ERBB4: variants seen among roughly 807,000 people sequenced by gnomAD.
The protein encoded by ERBB4 is receptor tyrosine-protein kinase erbB-4.
ERBB4 carries 42 observed loss-of-function variants against 158.0 expected under a neutral mutation model. The observed-to-expected ratio is 0.27, with a 90% CI of 0.21 to 0.34. ERBB4 has a LOEUF of 0.34. Ranked by LOEUF, ERBB4 falls within the 10% of genes least tolerant of loss-of-function variation. The pLI is 1.00. For synonymous variants in ERBB4, 583 were observed against 558.7 expected (o/e 1.04, Z -0.61); for missense variants, 1,333 against 1,624.1 (o/e 0.82, Z 3.08).
chr2:212,464,651 G>T (rs1398650448), intron 1 of ERBB4, among the ~76,000 whole-genome samples: 1 of 151,970 alleles, frequency 6.6e-6, no homozygotes, highest in Admixed American at 6.6e-5. Flanking sequence ...ATAGCTAGAA[G>T]TACATTATAT....
At chr2:211,922,702 G>T (rs12998591) in intron 3 of ERBB4, among the ~76,000 whole-genome samples, 3 of 151,958 alleles carry the variant, frequency 2.0e-5, no homozygotes, top group African/African-American at 7.3e-5. Flanking sequence ...AACTGCTTAC[G>T]AGGAGGTAGA....
intron 1 of ERBB4, among the ~76,000 whole-genome samples, chr2:212,324,655 T>A (rs531182214): frequency 1.3e-5 from 2 of 150,388 alleles, no homozygotes; most frequent in Non-Finnish European, 3.0e-5. Flanking sequence ...CTAAATCTGA[T>A]AATTAGATTT....
Position 212,013,063 on chromosome 2 carries a change from T to C in ERBB4, c.235-65447A>G, listed in dbSNP as rs182835565. 6.4e-3 allele frequency among the ~76,000 whole-genome samples: 973 copies of C among 151,476 alleles called. 7 individuals carry two copies. Among genetic ancestry groups the C allele is most frequent in the African/African-American group, 0.022 (906 of 41,354 alleles). On this transcript the variant is annotated intron_variant, in intron 2 of 27. Transcript: ENST00000342788. ...CCCAGCCAAGAAATACTTTCCTTTT[T>C]TTTTTTTTTTTGAGACAGAGTCTCA...
chr2:211,971,037 G>C (rs2081438542), intron 2 of ERBB4, among the ~76,000 whole-genome samples: 1 of 152,104 alleles, frequency 6.6e-6, no homozygotes, highest in African/African-American at 2.4e-5. Flanking sequence ...CATATTCAGT[G>C]CTTCCTTGAG....
intron 2 of ERBB4, among the ~76,000 whole-genome samples, chr2:212,072,447 T>C (rs2078150151): frequency 6.6e-6 from 1 of 151,904 alleles, no homozygotes; most frequent in Non-Finnish European, 1.5e-5. Context: ...CACAACATGA[T>C]CCCTCTCTCT....
chr2:211,999,432 AT>A (rs1347749777), intron 2 of ERBB4, among the ~76,000 whole-genome samples: 1 of 151,742 alleles, frequency 6.6e-6, no homozygotes, highest in African/African-American at 2.4e-5. Context: ...CATTTTTCTC[AT>A]TTTTGCAGGG....
intron 2 of ERBB4, among the ~76,000 whole-genome samples, chr2:211,953,875 A>G (rs1430320860): frequency 1.7e-5 from 1 of 57,710 alleles, no homozygotes; most frequent in Non-Finnish European, 2.8e-5. Context: ...TGATTTTTTA[A>G]AAATGACAAC....
At chr2:212,523,765 C>A (rs1335137569) in intron 1 of ERBB4, among the ~76,000 whole-genome samples, 1 of 151,926 alleles carries the variant, frequency 6.6e-6, no homozygotes, top group African/African-American at 2.4e-5. Flanking sequence ...TCAATCCTCA[C>A]CCCCAACATT....
At chr2:211,660,858 C>A (rs77828097) in intron 15 of ERBB4, among the ~76,000 whole-genome samples, 132 of 152,208 alleles carry the variant, frequency 8.7e-4, no homozygotes, top group African/African-American at 3.1e-3. Flanking sequence ...AACCAATTAA[C>A]TGTAGTCTCA....
rs145501365 is a variant in ERBB4 at position 211,870,475 on chromosome 2, C to A, written c.421+76955G>T. On this transcript the variant is annotated intron_variant, in intron 3 of 27. Transcript: ENST00000342788. The stretch of plus-strand genomic sequence containing the variant: ...TATTATTTTGAAACTTAGTCATATG[C>A]CCTTTATTGAGATATCTACATCGAA... Among the ~76,000 whole-genome samples, 272 of 151,996 alleles carry A rather than the reference C, an allele frequency of 1.8e-3. 1 individual carries two copies. The highest frequency in any genetic ancestry group is 2.9e-3 in the Non-Finnish European group (199 of 67,946).
chr2:212,219,601 T>C (rs944837896), intron 1 of ERBB4, among the ~76,000 whole-genome samples: 5 of 151,308 alleles, frequency 3.3e-5, no homozygotes, highest in African/African-American at 1.2e-4. Flanking sequence ...AATTATATTA[T>C]TCATGCTAGC....
chr2:212,213,796 A>G (rs2083009643), intron 1 of ERBB4, among the ~76,000 whole-genome samples: 1 of 151,830 alleles, frequency 6.6e-6, no homozygotes, highest in African/African-American at 2.4e-5. Flanking sequence ...ACCAAGGTCT[A>G]TAGGCTATTT....
At chr2:212,240,647 A>AAAAAAAAAAAAAAAAAAAAAAC (rs2084058765) in intron 1 of ERBB4, among the ~76,000 whole-genome samples, 1 of 112,554 alleles carries the variant, frequency 8.9e-6, no homozygotes, top group Non-Finnish European at 2.0e-5. Flanking sequence ...CAAAAAAAAA[A>AAAAAAAAAAAAAAAAAAAAAAC]AAAAAAAAAA....
intron 3 of ERBB4, among the ~76,000 whole-genome samples, chr2:211,859,849 T>C (rs370095139): frequency 6.6e-6 from 1 of 152,198 alleles, no homozygotes; most frequent in Non-Finnish European, 1.5e-5. Flanking sequence ...TAAGCAGAAA[T>C]GATTAGCAGC....
intron 1 of ERBB4, among the ~76,000 whole-genome samples, chr2:212,317,306 A>G (rs1478772461): frequency 6.6e-6 from 1 of 151,510 alleles, no homozygotes; most frequent in African/African-American, 2.4e-5. Flanking sequence ...TAGTTTAAAA[A>G]CTTTTACCCC....
At chr2:212,404,973 T>C (rs745769549) in intron 1 of ERBB4, among the ~76,000 whole-genome samples, 3 of 152,044 alleles carry the variant, frequency 2.0e-5, no homozygotes, top group Non-Finnish European at 4.4e-5. Flanking sequence ...CCCCACAAAA[T>C]ACATGATCTC....
intron 6 of ERBB4, 66 bp downstream of exon 6, chr2:211,725,010 T>C (rs2074220691): frequency 1.7e-6 from 2 of 1,147,170 alleles, no homozygotes; most frequent in Non-Finnish European, 2.7e-6. Context: ...AAAGATTCAG[T>C]ATGCCTGAAT....
intron 1 of ERBB4, among the ~76,000 whole-genome samples, chr2:212,398,459 T>C (rs1010511237): frequency 2.0e-5 from 3 of 152,128 alleles, no homozygotes; most frequent in African/African-American, 7.2e-5. Context: ...ACAAGATCAA[T>C]AGTTCATCCT....
chr2:211,510,822 T>C (rs1470954753), intron 20 of ERBB4, among the ~76,000 whole-genome samples: 1 of 152,078 alleles, frequency 6.6e-6, no homozygotes, highest in Non-Finnish European at 1.5e-5. Flanking sequence ...CAATCTCTTC[T>C]CTTTGAAAGA....
Sources: gnomAD v4.1 joint callset for allele counts (sites outside exome capture counted in the v4.1 genomes callset) on GRCh38, gnomAD v4.1.1 for gene constraint, MANE v1.5 for transcripts, NCBI Gene and HGNC (gene_info 2026-07-23, HGNC 2026-07-21) for gene names.